Variants in CCDC91 observed in about 807,000 individuals in gnomAD.
CCDC91 encodes coiled-coil domain-containing protein 91.
In CCDC91, 48 loss-of-function variants were observed where a neutral mutation model predicts 63.2. That is an observed-to-expected ratio of 0.76 (90% CI 0.60 to 0.97). CCDC91 has a LOEUF of 0.97. Among genes scored for constraint, CCDC91 ranks in the 50% least tolerant of loss-of-function variants. The pLI, the probability that CCDC91 is intolerant of heterozygous loss-of-function variation, is 0.00. For missense variants in CCDC91, 500 were observed against 494.6 expected (o/e 1.01, Z -0.10); for synonymous variants, 167 against 165.8 (o/e 1.01, Z -0.06).
chr12:28,497,595 A>G (rs887277826), intron 12 of CCDC91, among the ~76,000 whole-genome samples: 8 of 151,562 alleles, frequency 5.3e-5, no homozygotes, highest in African/African-American at 1.7e-4. Flanking sequence ...ATCTGATTTG[A>G]AGTAAAATAT....
chr12:28,356,848 A>C (rs1943559331), intron 6 of CCDC91, among the ~76,000 whole-genome samples: 1 of 152,206 alleles, frequency 6.6e-6, no homozygotes, highest in South Asian at 2.1e-4. Context: ...GGTGAAAAGC[A>C]GCTGCTTTCT....
intron 6 of CCDC91, among the ~76,000 whole-genome samples, chr12:28,313,756 T>G (rs1285804583): frequency 6.6e-6 from 1 of 152,030 alleles, no homozygotes; most frequent in African/African-American, 2.4e-5. Context: ...GTCCAGGGTG[T>G]GTAGCCTAAC....
At chr12:28,467,217 A>G (rs573727966) in intron 11 of CCDC91, among the ~76,000 whole-genome samples, 1 of 152,176 alleles carries the variant, frequency 6.6e-6, no homozygotes, top group East Asian at 1.9e-4. Flanking sequence ...GTTGCCTATA[A>G]GAAACACACT....
At chr12:28,377,640 T>G (rs1945031222) in intron 7 of CCDC91, among the ~76,000 whole-genome samples, 1 of 151,960 alleles carries the variant, frequency 6.6e-6, no homozygotes, top group Non-Finnish European at 1.5e-5. Context: ...TTTAATTTTT[T>G]TATATCATCT....
At chr12:28,264,612 T>TGTGC (rs1555169668) in intron 3 of CCDC91, among the ~76,000 whole-genome samples, 8 of 150,876 alleles carry the variant, frequency 5.3e-5, no homozygotes, top group Admixed American at 1.3e-4. Flanking sequence ...TGTGTGTGTG[T>TGTGC]GTGTGTGTAT....
intron 1 of CCDC91, among the ~76,000 whole-genome samples, chr12:28,201,705 G>A (rs1308930503): frequency 7.0e-6 from 1 of 143,150 alleles, no homozygotes; most frequent in Non-Finnish European, 1.6e-5. Flanking sequence ...GTAGCGAGCC[G>A]AGATCATGCC....
chr12:28,263,612 C>T (rs1204983765), intron 3 of CCDC91, among the ~76,000 whole-genome samples: 3 of 151,970 alleles, frequency 2.0e-5, no homozygotes, highest in Non-Finnish European at 4.4e-5. Flanking sequence ...CACTGGGTTG[C>T]TTCTACCTTT....
At chr12:28,505,179 G>C (rs1233935316) in intron 12 of CCDC91, among the ~76,000 whole-genome samples, 2 of 151,732 alleles carry the variant, frequency 1.3e-5, no homozygotes, top group Non-Finnish European at 2.9e-5. Flanking sequence ...ATTACTATTT[G>C]CCTTTTTTCT....
intron 1 of CCDC91, among the ~76,000 whole-genome samples, chr12:28,205,014 CATT>C (rs1256183468): frequency 2.0e-5 from 3 of 152,110 alleles, no homozygotes; most frequent in African/African-American, 7.2e-5. Flanking sequence ...AGGACCCTGA[CATT>C]ATGGCATATG....
intron 8 of CCDC91, among the ~76,000 whole-genome samples, chr12:28,444,313 C>T (rs567350872): frequency 3.9e-5 from 6 of 152,194 alleles, no homozygotes; most frequent in South Asian, 4.1e-4. Flanking sequence ...AATTTATTTT[C>T]CACTGAACAA....
At chr12:28,237,251 C>CACACACACACAT (rs1215543036) in intron 1 of CCDC91, among the ~76,000 whole-genome samples, 88 of 151,364 alleles carry the variant, frequency 5.8e-4, no homozygotes, top group African/African-American at 2.0e-3. Flanking sequence ...CACACACACA[C>CACACACACACAT]ACACACACAC....
rs142310718 is a variant in CCDC91, at chr12:28,511,958, G to A, written c.1215+27793G>A. 2.0e-5 allele frequency among the ~76,000 whole-genome samples: 3 copies of A among 151,838 alleles called. No individual in the cohort carries two copies. The East Asian group carries it at 5.9e-4, about 30-fold the overall frequency. On this transcript the variant is annotated intron_variant, in intron 12 of 12. Coordinates refer to ENST00000536442, the MANE Select transcript of CCDC91 (RefSeq NM_018318.5). ...GTTTTCAATGAAGTAAATTAACTCT[G>A]TTCTTTCATTTTATGGAAATGGCTC...
Position 28,317,394 on chromosome 12 carries a change from T to C in CCDC91, c.576+9645T>C, listed in dbSNP as rs143592630. ...CACATGCTTTCCATGAGGATACTTA[T>C]TTTTTATGGAATTAGTTAGTAGATT... On this transcript the variant is annotated intron_variant, in intron 6 of 12. Coordinates refer to ENST00000536442, the MANE Select transcript of CCDC91 (RefSeq NM_018318.5). 1.6e-3 allele frequency among the ~76,000 whole-genome samples: 242 copies of C among 152,168 alleles called. No homozygotes were observed. The Middle Eastern group carries it at 0.024, about 15-fold the overall frequency.
chr12:28,327,331 C>T (rs1941106585), intron 6 of CCDC91, among the ~76,000 whole-genome samples: 1 of 152,078 alleles, frequency 6.6e-6, no homozygotes, highest in Non-Finnish European at 1.5e-5. Flanking sequence ...GAAAAGGCTA[C>T]CTGGGGGCTA....
At chr12:28,371,575 T>G (rs1372196780) in intron 7 of CCDC91, among the ~76,000 whole-genome samples, 2 of 152,240 alleles carry the variant, frequency 1.3e-5, no homozygotes, top group Admixed American at 6.5e-5. Context: ...ATATGCATAT[T>G]ATTTTAAACA....
chr12:28,452,411 A>T (rs1949851170), intron 10 of CCDC91, 67 bp from the exon 11 acceptor site: 2 of 1,118,496 alleles, frequency 1.8e-6, no homozygotes, highest in East Asian at 4.9e-5. Flanking sequence ...TAGGTTAACC[A>T]AGTCTGTTAC....
chr12:28,456,611 A>G (rs1950070261), intron 11 of CCDC91, among the ~76,000 whole-genome samples: 3 of 152,326 alleles, frequency 2.0e-5, no homozygotes, highest in Non-Finnish European at 4.4e-5. Flanking sequence ...TGTGAAAATT[A>G]TATGTAAGTA....
Position 28,549,215 on chromosome 12 carries a change from T to C in CCDC91, c.*42T>C. On this transcript the variant is annotated 3_prime_UTR_variant, in exon 13 of 13. Transcript: ENST00000536442. ...CCACACTGGCATTGGATAAATCATA[T>C]TACACCTTCAAAATACACACTCTGA... is the stretch of plus-strand genomic sequence containing the variant. The C allele has an allele frequency of 1.9e-6, 2 of 1,042,542 alleles. No homozygotes were observed. The highest frequency in any genetic ancestry group is 1.3e-5 in the South Asian group (1 of 77,356). The allele number at this position is 1,042,542 out of a possible 1,614,324, so 64.6% of individuals were successfully genotyped here. A position where few individuals can be genotyped will look rare whatever the true frequency, so the allele number is the denominator to read the frequency against.
intron 11 of CCDC91, among the ~76,000 whole-genome samples, chr12:28,463,761 TC>T (rs1950419586): frequency 6.6e-6 from 1 of 152,144 alleles, no homozygotes; most frequent in African/African-American, 2.4e-5. Context: ...TTTGGGGTAA[TC>T]CTGGTCAGAA....
Sources: allele counts gnomAD v4.1 joint callset (sites outside exome capture counted in the v4.1 genomes callset), GRCh38; gene constraint gnomAD v4.1.1; transcripts MANE v1.5; gene names NCBI Gene and HGNC (gene_info 2026-07-23, HGNC 2026-07-21).